FBXW7: variants seen among roughly 807,000 people sequenced by gnomAD.
The protein encoded by FBXW7 is F-box and WD repeat domain containing 7.
FBXW7 carries 11 observed loss-of-function variants against 86.3 expected under a neutral mutation model. That is an observed-to-expected ratio of 0.13 (90% CI 0.08 to 0.21). The LOEUF (loss-of-function observed/expected upper bound fraction) is 0.21. Among genes scored for constraint, FBXW7 ranks in the 10% least tolerant of loss-of-function variants. The probability of loss-of-function intolerance (pLI) is 1.00; values close to 1 mark genes in which losing one functional copy is unlikely to be tolerated. For missense variants in FBXW7, 488 were observed against 847.4 expected (o/e 0.58, Z 5.27); for synonymous variants, 313 against 297.9 (o/e 1.05, Z -0.52).
intron 4 of FBXW7, among the ~76,000 whole-genome samples, chr4:152,354,584 A>G (rs912782705): frequency 1.6e-4 from 24 of 152,160 alleles, no homozygotes; most frequent in Non-Finnish European, 1.0e-4. Flanking sequence ...TTTCTAGTTG[A>G]ACTAACCTTT....
At chr4:152,340,191 T>C (rs78058090) in intron 6 of FBXW7, among the ~76,000 whole-genome samples, 2,086 of 152,284 alleles carry the variant, frequency 0.014, 27 homozygotes, top group Middle Eastern at 0.037. Context: ...TTTTAAAGAA[T>C]CTTTAATAAG....
intron 2 of FBXW7, among the ~76,000 whole-genome samples, chr4:152,498,877 T>C (rs1307164411): frequency 2.6e-5 from 4 of 151,950 alleles, no homozygotes; most frequent in African/African-American, 4.8e-5. Flanking sequence ...AGGGAAAAAA[T>C]AGAGTATAAG....
At chr4:152,332,485 G>T (rs1222874542) in intron 8 of FBXW7, 111 bp downstream of exon 8, 2 of 1,119,902 alleles carry the variant, frequency 1.8e-6, no homozygotes, top group South Asian at 4.6e-5. Context: ...AGAATAATCT[G>T]TGGATTTTAT....
chr4:152,488,669 C>T (rs1310628452), intron 2 of FBXW7, among the ~76,000 whole-genome samples: 1 of 151,958 alleles, frequency 6.6e-6, no homozygotes, highest in Non-Finnish European at 1.5e-5. Context: ...AAAAAATATT[C>T]GCTCCAACTG....
chr4:152,534,267 A>AG lies in FBXW7; in HGVS notation c.-120+673dup, dbSNP rs139523161. Among the ~76,000 whole-genome samples, 216 of 149,878 alleles carry AG rather than the reference A, an allele frequency of 1.4e-3. 2 individuals carry two copies. The South Asian group carries it at 0.017, about 12-fold the overall frequency. ...GTAATTTGTTACTCTAAAAAAAAAA[A>AG]GGGGGGGGTGAAAGGGAAAAAATCA... is the stretch of plus-strand genomic sequence containing the variant. On this transcript the variant is annotated intron_variant, in intron 2 of 13. Coordinates refer to ENST00000281708, the MANE Select transcript of FBXW7 (RefSeq NM_001349798.2).
At chr4:152,416,715 C>T (rs1001500354) in intron 2 of FBXW7, among the ~76,000 whole-genome samples, 2 of 152,118 alleles carry the variant, frequency 1.3e-5, no homozygotes, top group African/African-American at 4.8e-5. Flanking sequence ...TGGATGTACA[C>T]TGAATAATTT....
intron 2 of FBXW7, among the ~76,000 whole-genome samples, chr4:152,532,426 C>T (rs893229519): frequency 3.9e-5 from 6 of 152,234 alleles, no homozygotes; most frequent in Non-Finnish European, 7.3e-5. Flanking sequence ...CTCAGGAACA[C>T]TCTTCTCAGT....
At chr4:152,502,568 T>C (rs1579370840) in intron 2 of FBXW7, among the ~76,000 whole-genome samples, 1 of 152,180 alleles carries the variant, frequency 6.6e-6, no homozygotes, top group Admixed American at 6.5e-5. Context: ...TTAATTTTAA[T>C]ATTTTGAATA....
chr4:152,324,623 G>A (rs531147228), intron 12 of FBXW7: 1 of 441,982 alleles, frequency 2.3e-6, no homozygotes, highest in African/African-American at 2.0e-5. Flanking sequence ...ATGCCAAGCA[G>A]CTTCAAACTA....
intron 2 of FBXW7, among the ~76,000 whole-genome samples, chr4:152,446,456 G>T (rs1741408793): frequency 6.6e-6 from 1 of 151,902 alleles, no homozygotes; most frequent in Admixed American, 6.6e-5. Flanking sequence ...CACTGGTAAG[G>T]GTAAATTGAA....
intron 2 of FBXW7, among the ~76,000 whole-genome samples, chr4:152,506,706 C>G (rs74812664): frequency 6.6e-6 from 1 of 152,122 alleles, no homozygotes; most frequent in Non-Finnish European, 1.5e-5. Flanking sequence ...TTAAATGAAA[C>G]GTATTATAGC....
intron 4 of FBXW7, among the ~76,000 whole-genome samples, chr4:152,398,419 A>G (rs2126832074): frequency 6.6e-6 from 1 of 152,076 alleles, no homozygotes; most frequent in East Asian, 1.9e-4. Context: ...AATATTTTAT[A>G]TCTTTTGTGA....
chr4:152,324,061 T>A (rs992539731), intron 13 of FBXW7, 123 bp downstream of exon 13: 1 of 695,372 alleles, frequency 1.4e-6, no homozygotes, highest in East Asian at 2.7e-5. Context: ...AAAATATTCA[T>A]AAACTTTTCT....
At chr4:152,401,435 T>C (rs953500623) in intron 4 of FBXW7, among the ~76,000 whole-genome samples, 1 of 152,144 alleles carries the variant, frequency 6.6e-6, no homozygotes, top group Admixed American at 6.6e-5. Flanking sequence ...AAGAAGCCAA[T>C]CTGAAAGGCT....
intron 2 of FBXW7, among the ~76,000 whole-genome samples, chr4:152,460,414 A>T (rs1742834475): frequency 6.6e-6 from 1 of 152,216 alleles, no homozygotes; most frequent in Non-Finnish European, 1.5e-5. Flanking sequence ...TTATGTATTT[A>T]CTAGTTTTGA....
intron 2 of FBXW7, among the ~76,000 whole-genome samples, chr4:152,529,364 A>G (rs567736892): frequency 1.3e-5 from 2 of 152,272 alleles, no homozygotes; most frequent in East Asian, 3.9e-4. Context: ...TTTAAAAGGA[A>G]GAAGAAAAAT....
chr4:152,526,854 A>G (rs935090818), intron 2 of FBXW7, among the ~76,000 whole-genome samples: 1 of 152,224 alleles, frequency 6.6e-6, no homozygotes, highest in African/African-American at 2.4e-5. Flanking sequence ...TTTCTTTTCT[A>G]TTAAAAAAAA....
chr4:152,399,228 A>G (rs898636321), intron 4 of FBXW7, among the ~76,000 whole-genome samples: 4 of 152,182 alleles, frequency 2.6e-5, no homozygotes, highest in African/African-American at 9.6e-5. Context: ...TCTGCAAACA[A>G]CCTTCAAAGT....
Position 152,320,755 on chromosome 4 carries a change from C to T in FBXW7, c.*2126G>A, listed in dbSNP as rs1728507427. 6.6e-6 allele frequency: 1 copy of T among 152,036 alleles called. No homozygotes were observed. The highest frequency in any genetic ancestry group is 6.6e-5 in the Admixed American group (1 of 15,242). The allele number at this position is 152,036 out of a possible 1,614,324, so 9.4% of individuals were successfully genotyped here. ...AAATATGGGTTTGAGTTCTGGCATTCCGCTAGTTCTATGATTTGACAAATT... is the reference window on the plus strand; with the variant it reads ...AAATATGGGTTTGAGTTCTGGCATTTCGCTAGTTCTATGATTTGACAAATT... On this transcript the variant is annotated 3_prime_UTR_variant, in exon 14 of 14. Coordinates refer to ENST00000281708, the MANE Select transcript of FBXW7 (RefSeq NM_001349798.2).
Sources: gnomAD v4.1 joint callset for allele counts (sites outside exome capture counted in the v4.1 genomes callset) on GRCh38, gnomAD v4.1.1 for gene constraint, MANE v1.5 for transcripts, NCBI Gene and HGNC (gene_info 2026-07-23, HGNC 2026-07-21) for gene names.